Variants in SGCD observed in about 807,000 individuals in gnomAD.
SGCD encodes sarcoglycan delta.
In SGCD, 18 loss-of-function variants were observed where a neutral mutation model predicts 36.6. That is an observed-to-expected ratio of 0.49 (90% CI 0.34 to 0.73). The LOEUF (loss-of-function observed/expected upper bound fraction) is 0.73, where lower values mean the gene tolerates loss of function less well. Among genes scored for constraint, SGCD ranks in the 30% least tolerant of loss-of-function variants. The probability of loss-of-function intolerance (pLI) is 0.01; values close to 1 mark genes in which losing one functional copy is unlikely to be tolerated. For synonymous variants in SGCD, 133 were observed against 130.6 expected (o/e 1.02, Z -0.12); for missense variants, 387 against 346.7 (o/e 1.12, Z -0.92).
At chr5:156,038,867 T>C (rs756489461) in intron 1 of SGCD, among the ~76,000 whole-genome samples, 1 of 152,212 alleles carries the variant, frequency 6.6e-6, no homozygotes, top group South Asian at 2.1e-4. Flanking sequence ...AACATTGTTT[T>C]TACAAATATG....
intron 3 of SGCD, among the ~76,000 whole-genome samples, chr5:156,434,438 T>G (rs17053549): frequency 0.023 from 3,525 of 152,306 alleles, 195 homozygotes; most frequent in East Asian, 0.18. Context: ...AGCCTTTATT[T>G]TTCAGCCCTT....
intron 3 of SGCD, among the ~76,000 whole-genome samples, chr5:156,258,370 C>A (rs1765765744): frequency 6.6e-6 from 1 of 152,090 alleles, no homozygotes; most frequent in African/African-American, 2.4e-5. Context: ...GTTACAAAAT[C>A]ATATATGGGG....
chr5:155,818,607 A>G, the SGCD span, among the ~76,000 whole-genome samples: 2 of 152,112 alleles, frequency 1.3e-5, no homozygotes, highest in Non-Finnish European at 2.9e-5. Context: ...TGCAGCCTCA[A>G]CCTCCTGGGC....
chr5:156,262,830 TC>T, intron 3 of SGCD, among the ~76,000 whole-genome samples: 1 of 152,144 alleles, frequency 6.6e-6, no homozygotes, highest in East Asian at 1.9e-4. Context: ...AATAATGGTC[TC>T]CAATTCCATT....
chr5:156,646,234 C>G (rs924371098), intron 6 of SGCD, among the ~76,000 whole-genome samples: 1 of 152,220 alleles, frequency 6.6e-6, no homozygotes, highest in Non-Finnish European at 1.5e-5. Flanking sequence ...TTGTTCTTCA[C>G]TTCCTTTCTA....
At chr5:155,811,772 A>T in the SGCD span, among the ~76,000 whole-genome samples, 1 of 152,152 alleles carries the variant, frequency 6.6e-6, no homozygotes, top group Non-Finnish European at 1.5e-5. Context: ...AATGCACTGG[A>T]TATACCAGCA....
At chr5:156,639,636 G>GCTGT (rs1246051732) in intron 6 of SGCD, among the ~76,000 whole-genome samples, 17 of 152,152 alleles carry the variant, frequency 1.1e-4, no homozygotes, top group African/African-American at 4.1e-4. Flanking sequence ...GCCCACAACA[G>GCTGT]TCTGCCTTCA....
chr5:156,122,825 T>C (rs112321463), intron 2 of SGCD, among the ~76,000 whole-genome samples: 3 of 111,520 alleles, frequency 2.7e-5, no homozygotes, highest in African/African-American at 1.1e-4. Context: ...TGCACCAGCA[T>C]GGTAGTAAAA....
chr5:156,013,545 T>C (rs1758905120), intron 1 of SGCD, among the ~76,000 whole-genome samples: 1 of 152,200 alleles, frequency 6.6e-6, no homozygotes, highest in African/African-American at 2.4e-5. Flanking sequence ...ATATTGTCAG[T>C]TTAATAATGG....
chr5:156,567,535 C>G (rs1406990897), intron 4 of SGCD, among the ~76,000 whole-genome samples: 5 of 152,084 alleles, frequency 3.3e-5, no homozygotes, highest in Admixed American at 3.3e-4. Context: ...TGTCTAAAGG[C>G]CATCTGCTGA....
intron 3 of SGCD, among the ~76,000 whole-genome samples, chr5:156,275,011 A>C (rs1766280621): frequency 6.6e-6 from 1 of 152,204 alleles, no homozygotes; most frequent in Admixed American, 6.6e-5. Context: ...CAGTGTCTCC[A>C]GACTTTCTAA....
At chr5:156,160,398 T>C (rs4397116) in intron 3 of SGCD, among the ~76,000 whole-genome samples, 50,001 of 151,434 alleles carry the variant, frequency 0.33, 9,153 homozygotes, top group Admixed American at 0.41. Context: ...GCAATTCATT[T>C]ATTAAAAGTA....
intron 3 of SGCD, among the ~76,000 whole-genome samples, chr5:156,188,892 C>T (rs868564919): frequency 3.3e-5 from 5 of 152,150 alleles, no homozygotes; most frequent in Non-Finnish European, 7.3e-5. Flanking sequence ...AACAGAATTC[C>T]TCTTCTCCCC....
intron 7 of SGCD, among the ~76,000 whole-genome samples, chr5:156,734,748 C>T (rs1756261598): frequency 6.6e-6 from 1 of 152,142 alleles, no homozygotes; most frequent in Non-Finnish European, 1.5e-5. Flanking sequence ...GCTATTTTGG[C>T]TGTCAGTTCC....
intron 1 of SGCD, among the ~76,000 whole-genome samples, chr5:155,887,096 T>C (rs1311974544): frequency 6.6e-6 from 1 of 152,192 alleles, no homozygotes; most frequent in African/African-American, 2.4e-5. Flanking sequence ...GTGTATCTCA[T>C]GGTTTACATT....
At chr5:156,450,327 A>G (rs1395108155) in intron 3 of SGCD, among the ~76,000 whole-genome samples, 1 of 152,074 alleles carries the variant, frequency 6.6e-6, no homozygotes, top group African/African-American at 2.4e-5. Flanking sequence ...ATGTGGACAC[A>G]TGTTTAAAGC....
chr5:156,043,914 A>G lies in SGCD; in HGVS notation c.-281-73964A>G, dbSNP rs558872768. On this transcript the variant is annotated intron_variant, in intron 1 of 9. Transcript: ENST00000517913. ...CAGTTAATCAACAAACATTTATTCA[A>G]TGTCTTCCAAGGGTAAAACACTGGA... 1.3e-3 allele frequency among the ~76,000 whole-genome samples: 198 copies of G among 151,024 alleles called. 1 individual carries two copies. Among genetic ancestry groups the G allele is most frequent in the African/African-American group, 4.8e-3 (193 of 40,322 alleles).
intron 3 of SGCD, among the ~76,000 whole-genome samples, chr5:156,234,941 C>T (rs935118384): frequency 2.6e-5 from 4 of 152,114 alleles, no homozygotes; most frequent in African/African-American, 9.7e-5. Context: ...TTACTTGCAA[C>T]CAAAGGAGCC....
chr5:156,449,342 T>G (rs780083489), intron 3 of SGCD, among the ~76,000 whole-genome samples: 2 of 152,106 alleles, frequency 1.3e-5, no homozygotes, highest in Non-Finnish European at 2.9e-5. Flanking sequence ...GACCATAAGT[T>G]TTGTAAGGGC....
Sources: gnomAD v4.1 joint callset for allele counts (sites outside exome capture counted in the v4.1 genomes callset) on GRCh38, gnomAD v4.1.1 for gene constraint, MANE v1.5 for transcripts, NCBI Gene and HGNC (gene_info 2026-07-23, HGNC 2026-07-21) for gene names.